The following SPINK9 variants were observed in gnomAD, a reference collection of about 807,000 sequenced individuals.
The protein encoded by SPINK9 is serine peptidase inhibitor Kazal type 9.
Under a neutral mutation model 10.8 loss-of-function variants are expected in SPINK9, and 3 were observed. That is an observed-to-expected ratio of 0.28 (90% CI 0.13 to 0.72). The LOEUF (loss-of-function observed/expected upper bound fraction) is 0.72, where lower values mean the gene tolerates loss of function less well. Ranked by LOEUF, SPINK9 falls within the 30% of genes least tolerant of loss-of-function variation. The pLI, the probability that SPINK9 is intolerant of heterozygous loss-of-function variation, is 0.74. For missense variants in SPINK9, 101 were observed against 103.2 expected (o/e 0.98, Z 0.09); for synonymous variants, 30 against 31.2 (o/e 0.96, Z 0.12).
chr5:148,338,479 T>C lies in SPINK9; in HGVS notation c.89T>C (p.Val30Ala). Reference sequence around the variant, plus strand: ...AAGGTTTTTAATATGTTTTTTCAGGTTGACTGCAGTCATTATAAAAAGTTA... The same window carrying C: ...AAGGTTTTTAATATGTTTTTTCAGGCTGACTGCAGTCATTATAAAAAGTTA... ...IECAKQTKQM[V>A]DCSHYKKLPP... Residue 30 changes from valine (V) to alanine (A), a missense_variant and splice_region_variant, in exon 3 of 4, where the codon GTT (valine) becomes GCT (alanine). Coordinates refer to ENST00000377906, the MANE Select transcript of SPINK9 (RefSeq NM_001040433.2). The C allele has an allele frequency of 1.3e-6, 2 of 1,593,412 alleles. No homozygotes were observed. The highest frequency in any genetic ancestry group is 8.5e-7 in the Non-Finnish European group (1 of 1,173,450).
At chr5:148,330,524 A>G (rs1757134559) in intron 2 of SPINK9, among the ~76,000 whole-genome samples, 1 of 152,146 alleles carries the variant, frequency 6.6e-6, no homozygotes, top group South Asian at 2.1e-4. Context: ...TAGTATTGTT[A>G]TGTGTGAATT....
chr5:148,325,511 A>G (rs1460466888), intron 2 of SPINK9, among the ~76,000 whole-genome samples: 1 of 152,082 alleles, frequency 6.6e-6, no homozygotes, highest in Non-Finnish European at 1.5e-5. Flanking sequence ...TGTCCCTAAT[A>G]ACTAATGGTG....
chr5:148,335,733 G>C, intron 1 of SPINK9, 65 bp downstream of exon 1: 1 of 1,536,150 alleles, frequency 6.5e-7, no homozygotes, highest in East Asian at 2.2e-5. Flanking sequence ...TTCTGCCTAT[G>C]TAATTCTGGG....
chr5:148,325,902 ATATGTGGTATCT>A (rs1757053291), intron 2 of SPINK9, among the ~76,000 whole-genome samples: 1 of 152,080 alleles, frequency 6.6e-6, no homozygotes, highest in African/African-American at 2.4e-5. Context: ...GTTACTTTTT[ATATGTGGTATCT>A]TATGTTATTT....
intron 2 of SPINK9, among the ~76,000 whole-genome samples, chr5:148,326,006 A>C (rs1039754240): frequency 6.6e-6 from 1 of 152,172 alleles, no homozygotes; most frequent in Non-Finnish European, 1.5e-5. Flanking sequence ...CCTTGTCAAA[A>C]ATCAATTCGC....
chr5:148,323,980 T>C (rs1046479176), intron 2 of SPINK9: 3 of 517,236 alleles, frequency 5.8e-6, no homozygotes, highest in Admixed American at 3.4e-5. Flanking sequence ...GGGAGTCAGA[T>C]GAGATAATGC....
At chr5:148,334,402 G>A (rs1356025193), upstream of SPINK9, among the ~76,000 whole-genome samples, 1 of 152,128 alleles carries the variant, frequency 6.6e-6, no homozygotes, top group African/African-American at 2.4e-5. Flanking sequence ...CCTTAAATAA[G>A]TTTGATCAAG....
At chr5:148,337,181 T>C (rs1040480994) in intron 2 of SPINK9, among the ~76,000 whole-genome samples, 6 of 152,162 alleles carry the variant, frequency 3.9e-5, no homozygotes, top group Non-Finnish European at 7.4e-5. Flanking sequence ...AGCTTGGTAG[T>C]TTCCCATCAC....
At chr5:148,337,601 G>C (rs1375877045) in intron 2 of SPINK9, among the ~76,000 whole-genome samples, 1 of 152,062 alleles carries the variant, frequency 6.6e-6, no homozygotes, top group East Asian at 1.9e-4. Flanking sequence ...ACCTGAAAGA[G>C]AAATCAAAAG....
chr5:148,327,981 C>T (rs1164472573), intron 2 of SPINK9, among the ~76,000 whole-genome samples: 2 of 150,740 alleles, frequency 1.3e-5, no homozygotes, highest in African/African-American at 2.4e-5. Context: ...ATTGACTTGG[C>T]AATGCGGGCT....
chr5:148,337,498 G>T (rs1050153578), intron 2 of SPINK9, among the ~76,000 whole-genome samples: 1 of 152,130 alleles, frequency 6.6e-6, no homozygotes, highest in South Asian at 2.1e-4. Flanking sequence ...TTCAAGTAGA[G>T]ATAGTCCACA....
intron 2 of SPINK9, among the ~76,000 whole-genome samples, chr5:148,328,875 C>T (rs1160582949): frequency 6.6e-6 from 1 of 152,082 alleles, no homozygotes; most frequent in African/African-American, 2.4e-5. Flanking sequence ...GGTGGATAAG[C>T]TTTTTGATGT....
At chr5:148,336,493 AATATCAGT>A (rs1757219505) in intron 2 of SPINK9, 40 bp downstream of exon 2, 1 of 1,585,542 alleles carries the variant, frequency 6.3e-7, no homozygotes, top group Non-Finnish European at 8.7e-7. Flanking sequence ...TTTTAAAGTC[AATATCAGT>A]AAGGAAATAT....
chr5:148,330,640 G>A (rs981402931), upstream of SPINK9, among the ~76,000 whole-genome samples: 7 of 152,130 alleles, frequency 4.6e-5, no homozygotes, highest in African/African-American at 1.7e-4. Context: ...GCAGTGGCTG[G>A]TACTGGTTGT....
At chr5:148,323,628 C>T in intron 1 of SPINK9, 1 of 518,290 alleles carries the variant, frequency 1.9e-6, no homozygotes, top group East Asian at 3.0e-5. Flanking sequence ...TGCTAACTTG[C>T]CGTCATATGA....
intron 2 of SPINK9, 48 bp downstream of exon 2, chr5:148,336,501 T>A (rs1381230736): frequency 5.1e-6 from 8 of 1,559,080 alleles, no homozygotes; most frequent in Admixed American, 5.0e-5. Context: ...TCAATATCAG[T>A]AAGGAAATAT....
At chr5:148,323,862 T>G (rs1757026969) in exon 2 of SPINK9, 1 of 699,922 alleles carries the variant, frequency 1.4e-6, no homozygotes, top group Non-Finnish European at 2.6e-6. Flanking sequence ...ACCTGAACAT[T>G]TACAAGGTAT....
At chr5:148,338,717 C>CT in intron 3 of SPINK9, 112 bp downstream of exon 3, 1 of 756,076 alleles carries the variant, frequency 1.3e-6, no homozygotes, top group Non-Finnish European at 2.0e-6. Context: ...CATACTGTCT[C>CT]TAACAAACAG....
At chr5:148,323,711 G>T in exon 2 of SPINK9, 3 of 656,342 alleles carry the variant, frequency 4.6e-6, no homozygotes, top group South Asian at 1.7e-5. Context: ...ATTTCATTGA[G>T]ATTTGTCTCT....
Sources: gnomAD v4.1 joint callset for allele counts (sites outside exome capture counted in the v4.1 genomes callset) on GRCh38, gnomAD v4.1.1 for gene constraint, MANE v1.5 for transcripts, NCBI Gene and HGNC (gene_info 2026-07-23, HGNC 2026-07-21) for gene names.